MIS18A: variants seen among roughly 807,000 people sequenced by gnomAD.
MIS18A encodes MIS18 kinetochore protein A, also known as protein Mis18-alpha.
In MIS18A, 14 loss-of-function variants were observed where a neutral mutation model predicts 25.0. The ratio of observed to expected loss-of-function variants is 0.56; its 90% confidence interval spans 0.37 to 0.88. The LOEUF is 0.88. MIS18A is among the 40% of genes least tolerant of loss of function. The pLI, the probability that MIS18A is intolerant of heterozygous loss-of-function variation, is 0.00. For missense variants in MIS18A, 292 were observed against 290.8 expected (o/e 1.00, Z -0.03); for synonymous variants, 134 against 118.6 (o/e 1.13, Z -0.84).
At chr21:32,158,708 C>T in the MIS18A span, among the ~76,000 whole-genome samples, 11 of 152,160 alleles carry the variant, frequency 7.2e-5, no homozygotes, top group Admixed American at 4.6e-4. Flanking sequence ...CTCCTGACCT[C>T]AGGTGATCTG....
At chr21:32,212,395 C>G in the MIS18A span, among the ~76,000 whole-genome samples, 2 of 152,202 alleles carry the variant, frequency 1.3e-5, no homozygotes, top group African/African-American at 4.8e-5. Context: ...ACTTTGCATT[C>G]TCAGCTGCAA....
At chr21:32,180,618 T>C in the MIS18A span, among the ~76,000 whole-genome samples, 1 of 152,218 alleles carries the variant, frequency 6.6e-6, no homozygotes, top group Non-Finnish European at 1.5e-5. Context: ...AGTGTGCACA[T>C]TGTTCACTTT....
chr21:32,199,574 G>A, the MIS18A span, among the ~76,000 whole-genome samples: 2 of 152,134 alleles, frequency 1.3e-5, no homozygotes, highest in Non-Finnish European at 2.9e-5. Flanking sequence ...TTGAGAGGGG[G>A]AGGCAGGCAG....
chr21:32,218,356 G>A, the MIS18A span, among the ~76,000 whole-genome samples: 2 of 152,138 alleles, frequency 1.3e-5, no homozygotes, highest in African/African-American at 4.8e-5. Context: ...AAGCACTGGT[G>A]AAGATAACTA....
the MIS18A span, among the ~76,000 whole-genome samples, chr21:32,187,343 G>A: frequency 6.6e-6 from 1 of 152,200 alleles, no homozygotes; most frequent in South Asian, 2.1e-4. Context: ...CAAGGGCCAG[G>A]AGGGTGGCAG....
At chr21:32,185,252 C>T in the MIS18A span, among the ~76,000 whole-genome samples, 1 of 152,152 alleles carries the variant, frequency 6.6e-6, no homozygotes, top group Non-Finnish European at 1.5e-5. Flanking sequence ...TCCTCCTCCC[C>T]CTCACTCACT....
chr21:32,243,496 T>C, the MIS18A span, among the ~76,000 whole-genome samples: 1 of 152,328 alleles, frequency 6.6e-6, no homozygotes, highest in African/African-American at 2.4e-5. Context: ...TCATAGTCAT[T>C]AGGCAGATGC....
At chr21:32,272,514 A>T (rs113394979) in intron 2 of MIS18A, among the ~76,000 whole-genome samples, 88 of 152,358 alleles carry the variant, frequency 5.8e-4, no homozygotes, top group African/African-American at 2.0e-3. Flanking sequence ...AGAAAAAAGA[A>T]GAAAGTCTCG....
the MIS18A span, among the ~76,000 whole-genome samples, chr21:32,223,972 C>T: frequency 6.6e-6 from 1 of 152,204 alleles, no homozygotes; most frequent in Non-Finnish European, 1.5e-5. Context: ...GCTGGTTCAA[C>T]ATACACAAAT....
the MIS18A span, among the ~76,000 whole-genome samples, chr21:32,198,129 A>C: frequency 6.6e-6 from 1 of 152,174 alleles, no homozygotes; most frequent in African/African-American, 2.4e-5. Flanking sequence ...CAGATCAAAG[A>C]CCAGAATTCA....
the MIS18A span, among the ~76,000 whole-genome samples, chr21:32,229,542 A>G: frequency 6.6e-6 from 1 of 152,248 alleles, no homozygotes; most frequent in Admixed American, 6.5e-5. Flanking sequence ...TAAGTGTTTC[A>G]TGGCATCTCT....
chr21:32,256,479 G>A, the MIS18A span, among the ~76,000 whole-genome samples: 2 of 152,136 alleles, frequency 1.3e-5, no homozygotes, highest in Non-Finnish European at 2.9e-5. Flanking sequence ...CTACCGGGAG[G>A]CATAAAAAGT....
At chr21:32,208,857 C>A in the MIS18A span, among the ~76,000 whole-genome samples, 1 of 152,196 alleles carries the variant, frequency 6.6e-6, no homozygotes, top group Non-Finnish European at 1.5e-5. Context: ...ACTGAGTAGG[C>A]GGAGCCAGGT....
In MIS18A at chr21:32,270,527, A is replaced by G; in HGVS notation, c.404T>C (p.Val135Ala). 1 of 1,550,670 alleles carries G rather than the reference A, an allele frequency of 6.4e-7. No individual in the cohort carries two copies. The highest frequency in any genetic ancestry group is 1.4e-5 in the African/African-American group (1 of 71,638). Residue 135 changes from valine (V) to alanine (A), a missense_variant and splice_region_variant, in exon 3 of 5, where the codon GTC (valine) becomes GCC (alanine). Val to Ala is a moderately conservative substitution (Grantham distance 64, BLOSUM62 0). Coordinates refer to ENST00000290130, the MANE Select transcript of MIS18A (RefSeq NM_018944.3). Reference sequence around the variant, plus strand: ...CCCCGCGCAGCACAAAGTCTCAAGGACGCTGCAATAAAGAAATGTCTTGCT... The same window carrying G: ...CCCCGCGCAGCACAAAGTCTCAAGGGCGCTGCAATAAAGAAATGTCTTGCT... ...LSKREKENGC[V>A]LETLCCAGCS...
the MIS18A span, among the ~76,000 whole-genome samples, chr21:32,242,388 T>G: frequency 6.6e-6 from 1 of 152,336 alleles, no homozygotes; most frequent in African/African-American, 2.4e-5. Context: ...ATCTTAGGTA[T>G]AAATATACAT....
chr21:32,214,876 T>G, the MIS18A span, among the ~76,000 whole-genome samples: 2 of 152,186 alleles, frequency 1.3e-5, no homozygotes, highest in Non-Finnish European at 2.9e-5. Flanking sequence ...GCCTCTGGTT[T>G]AACTGGGTCA....
chr21:32,239,537 T>C, the MIS18A span, among the ~76,000 whole-genome samples: 1 of 152,212 alleles, frequency 6.6e-6, no homozygotes. Context: ...AGCTTTCTTG[T>C]GCTGCTCTTT....
chr21:32,163,015 G>A, the MIS18A span, among the ~76,000 whole-genome samples: 3 of 152,148 alleles, frequency 2.0e-5, no homozygotes, highest in African/African-American at 4.8e-5. Flanking sequence ...CTGTCATTTC[G>A]CAAAGAAAAC....
chr21:32,244,106 A>G, the MIS18A span, among the ~76,000 whole-genome samples: 3 of 152,248 alleles, frequency 2.0e-5, no homozygotes, highest in Admixed American at 2.0e-4. Context: ...GATTCCTGCA[A>G]TAACATGGAT....
Sources: allele counts gnomAD v4.1 joint callset (sites outside exome capture counted in the v4.1 genomes callset), GRCh38; gene constraint gnomAD v4.1.1; transcripts MANE v1.5; gene names NCBI Gene and HGNC (gene_info 2026-07-23, HGNC 2026-07-21).